Variants in KCNMA1 observed in about 807,000 individuals in gnomAD.
KCNMA1 encodes the protein Calcium-activated potassium channel subunit alpha-1.
In KCNMA1, 29 loss-of-function variants were observed where a neutral mutation model predicts 140.0. The ratio of observed to expected loss-of-function variants is 0.21; its 90% CI spans 0.15 to 0.28. The LOEUF is 0.28. KCNMA1 is among the 10% of genes least tolerant of loss of function. The pLI is 1.00. For missense variants in KCNMA1, 880 were observed against 1,602.2 expected, an observed-to-expected ratio of 0.55 and a Z score of 7.70; for synonymous variants, 612 against 611.9, an observed-to-expected ratio of 1.00 and a Z score of 0.00.
intron 14 of KCNMA1, among the ~76,000 whole-genome samples, chr10:77,070,598 C>T (rs778849044): frequency 4.6e-5 from 7 of 152,110 alleles, no homozygotes; most frequent in Admixed American, 6.5e-5. Flanking sequence ...ATGAATTCTC[C>T]GTCATAGGAT....
intron 1 of KCNMA1, among the ~76,000 whole-genome samples, chr10:77,545,188 C>T (rs1160096680): frequency 1.3e-5 from 2 of 152,188 alleles, no homozygotes; most frequent in Non-Finnish European, 1.5e-5. Flanking sequence ...AGGGTTTCAT[C>T]CCACAGACAA....
At chr10:77,037,961 C>A (rs1333435278) in intron 15 of KCNMA1, among the ~76,000 whole-genome samples, 3 of 152,140 alleles carry the variant, frequency 2.0e-5, no homozygotes, top group Non-Finnish European at 4.4e-5. Flanking sequence ...AAGAAAGGCA[C>A]ACATGGGAGT....
chr10:76,896,564 G>A (rs897754626), intron 25 of KCNMA1, among the ~76,000 whole-genome samples: 1 of 152,114 alleles, frequency 6.6e-6, no homozygotes, highest in Non-Finnish European at 1.5e-5. Context: ...GTACTGATTG[G>A]GGAAGTGATA....
intron 24 of KCNMA1, chr10:76,912,842 G>C (rs986358315): frequency 6.6e-6 from 1 of 152,192 alleles, no homozygotes; most frequent in Non-Finnish European, 1.5e-5. Context: ...GACCACATGA[G>C]CCCTGGGTCT....
At chr10:76,931,242 T>C (rs903669804) in intron 23 of KCNMA1, among the ~76,000 whole-genome samples, 1 of 152,176 alleles carries the variant, frequency 6.6e-6, no homozygotes, top group Admixed American at 6.5e-5. Context: ...TCACAATGTA[T>C]ATGTATATCA....
At chr10:77,415,163 T>C (rs1194036392) in intron 1 of KCNMA1, among the ~76,000 whole-genome samples, 4 of 152,208 alleles carry the variant, frequency 2.6e-5, no homozygotes, top group Non-Finnish European at 5.9e-5. Flanking sequence ...TTAGATATGT[T>C]CTCAAATGGC....
intron 3 of KCNMA1, chr10:77,217,597 A>G (rs2048222585): frequency 2.2e-6 from 1 of 450,996 alleles, no homozygotes. Flanking sequence ...CAGATGACAC[A>G]GACAGAACAA....
intron 5 of KCNMA1, among the ~76,000 whole-genome samples, chr10:77,146,782 G>A (rs1393726556): frequency 1.6e-5 from 2 of 122,326 alleles, no homozygotes; most frequent in Admixed American, 2.0e-4. Flanking sequence ...CAGGGGCTGT[G>A]ACAATAAATT....
intron 2 of KCNMA1, among the ~76,000 whole-genome samples, chr10:77,359,992 G>A (rs1355990824): frequency 6.6e-6 from 1 of 152,134 alleles, no homozygotes; most frequent in African/African-American, 2.4e-5. Context: ...AAAGCGATAA[G>A]AAGAATATTA....
chr10:77,205,732 C>G (rs193035847), intron 3 of KCNMA1, among the ~76,000 whole-genome samples: 1 of 152,252 alleles, frequency 6.6e-6, no homozygotes, highest in Admixed American at 6.5e-5. Context: ...AATTTGTCCT[C>G]TCATATCAGC....
intron 5 of KCNMA1, among the ~76,000 whole-genome samples, chr10:77,170,910 T>C (rs1234312370): frequency 1.3e-5 from 2 of 152,168 alleles, no homozygotes; most frequent in Non-Finnish European, 2.9e-5. Flanking sequence ...TGGAATATCA[T>C]AGGATGAGTA....
intron 22 of KCNMA1, among the ~76,000 whole-genome samples, chr10:76,948,671 A>G (rs1390200854): frequency 6.6e-6 from 1 of 152,160 alleles, no homozygotes; most frequent in Non-Finnish European, 1.5e-5. Context: ...CTGCAGAAGG[A>G]GTTGGCCTTC....
chr10:77,429,948 T>C (rs2097116248), intron 1 of KCNMA1, among the ~76,000 whole-genome samples: 1 of 152,134 alleles, frequency 6.6e-6, no homozygotes, highest in Non-Finnish European at 1.5e-5. Flanking sequence ...TGATTCCCAG[T>C]CTACCTCCTT....
At chr10:76,983,911 A>G (rs569990687) in intron 19 of KCNMA1, among the ~76,000 whole-genome samples, 25 of 152,182 alleles carry the variant, frequency 1.6e-4, no homozygotes, top group Non-Finnish European at 2.9e-4. Flanking sequence ...AAAACAGTAA[A>G]AAGATATAGC....
chr10:77,008,844 AG>A, intron 18 of KCNMA1, among the ~76,000 whole-genome samples: 1 of 152,374 alleles, frequency 6.6e-6, no homozygotes, highest in East Asian at 1.9e-4. Flanking sequence ...GTCTGTTCGA[AG>A]GCATGGGGGT....
intron 16 of KCNMA1, chr10:77,025,362 A>C: frequency 1.2e-5 from 13 of 1,076,866 alleles, no homozygotes; most frequent in Non-Finnish European, 1.7e-5. Flanking sequence ...TCTCTTCTTG[A>C]ATTCTTGGCA....
At chr10:77,462,900 T>A (rs990717604) in intron 1 of KCNMA1, among the ~76,000 whole-genome samples, 1 of 152,108 alleles carries the variant, frequency 6.6e-6, no homozygotes, top group South Asian at 2.1e-4. Flanking sequence ...ACAGCCAGCA[T>A]CTTGCTGGCC....
intron 1 of KCNMA1, among the ~76,000 whole-genome samples, chr10:77,536,459 G>T (rs951918362): frequency 6.6e-6 from 1 of 152,198 alleles, no homozygotes; most frequent in African/African-American, 2.4e-5. Context: ...ATTAGTGACA[G>T]TAATGCCAAT....
intron 22 of KCNMA1, among the ~76,000 whole-genome samples, chr10:76,947,857 ATG>A (rs2064692962): frequency 6.6e-6 from 1 of 152,210 alleles, no homozygotes; most frequent in African/African-American, 2.4e-5. Context: ...GTGTTCTTTA[ATG>A]AATTATATTA....
Sources: allele counts gnomAD v4.1 joint callset (sites outside exome capture counted in the v4.1 genomes callset), GRCh38; gene constraint gnomAD v4.1.1; transcripts MANE v1.5; gene names NCBI Gene and HGNC (gene_info 2026-07-23, HGNC 2026-07-21).